The following TRPM3 variants were observed in gnomAD, a reference collection of about 807,000 sequenced individuals.
TRPM3 encodes the protein transient receptor potential cation channel subfamily M member 3, also known as long transient receptor potential channel 3.
A neutral mutation model predicts 181.2 loss-of-function variants in TRPM3; 77 were observed. That is an observed-to-expected ratio of 0.42 (90% CI 0.35 to 0.51). The LOEUF (loss-of-function observed/expected upper bound fraction) is 0.51. Among genes scored for constraint, TRPM3 ranks in the 20% least tolerant of loss-of-function variants. The pLI, the probability that TRPM3 is intolerant of heterozygous loss-of-function variation, is 0.01. For synonymous variants in TRPM3, 745 were observed against 796.4 expected (o/e 0.94, Z 1.09); for missense variants, 1,759 against 2,196.7 (o/e 0.80, Z 3.98).
Position 70,552,700 on chromosome 9 carries a change from C to G in TRPM3, c.3574+144G>C, listed in dbSNP as rs143854489. ...CTCATTCAAGTCAACTCCCTCATCC[C>G]CCAATGCTCTCCAAGCCTTCAGAGC... is the stretch of plus-strand genomic sequence containing the variant. On this transcript the variant is annotated intron_variant, in intron 24 of 25. Coordinates refer to ENST00000677713, the MANE Select transcript of TRPM3 (RefSeq NM_001366145.2). 716 of 816,232 alleles carry G rather than the reference C, an allele frequency of 8.8e-4. 10 individuals carry two copies. In the East Asian group the frequency reaches 0.015, roughly 18 times the overall value. 50.6% of individuals were successfully genotyped at this position (816,232 alleles called of 1,614,324 possible).
At position 70,885,852 on chromosome 9, in the gene TRPM3, C is replaced by A. The variant is rs75424431; in HGVS notation, c.178-21341G>T. Among the ~76,000 whole-genome samples, 636 of 152,134 alleles carry A rather than the reference C, an allele frequency of 4.2e-3. 20 individuals are homozygous for A. The East Asian group carries it at 0.097, about 23-fold the overall frequency. On this transcript the variant is annotated intron_variant, in intron 1 of 25. Transcript: ENST00000677713. ...CTCTTTCACCCTTGTAGATAAGGAC[C>A]AGACCCTATTTCTGCCCAAGTCTCT...
intron 1 of TRPM3, among the ~76,000 whole-genome samples, chr9:70,884,754 A>T (rs1188618327): frequency 6.6e-6 from 1 of 152,178 alleles, no homozygotes; most frequent in Non-Finnish European, 1.5e-5. Context: ...AAATTATGAC[A>T]ATCCTGGAGA....
In TRPM3 at chr9:71,061,065, G is replaced by A. The variant is rs551131393; in HGVS notation, c.177+60113C>T. Among the ~76,000 whole-genome samples, 67 of 152,054 alleles carry A rather than the reference G, an allele frequency of 4.4e-4. 1 individual carries two copies. The South Asian group carries it at 7.5e-3, about 17-fold the overall frequency. ...GGGAAGATATTTCTTAACAAGTGTC[G>A]GCCAGGGTGAGAGCTGAAGAATGCA... On this transcript the variant is annotated intron_variant, in intron 1 of 25. Transcript: ENST00000677713.
chr9:71,203,146 A>G (rs1184255976), intron 1 of TRPM3, among the ~76,000 whole-genome samples: 5 of 152,206 alleles, frequency 3.3e-5, no homozygotes, highest in Admixed American at 2.0e-4. Flanking sequence ...ACACTGACTG[A>G]TACTGTCTAA....
chr9:71,018,396 A>G (rs935247558), intron 1 of TRPM3, among the ~76,000 whole-genome samples: 4 of 151,862 alleles, frequency 2.6e-5, no homozygotes, highest in Admixed American at 2.0e-4. Flanking sequence ...GGTTTTTAGA[A>G]AAGACAAATG....
At chr9:70,572,415 C>A (rs547962405) in intron 22 of TRPM3, among the ~76,000 whole-genome samples, 2 of 152,294 alleles carry the variant, frequency 1.3e-5, no homozygotes, top group East Asian at 3.9e-4. Context: ...TTACTATTAG[C>A]TAAACTCCAA....
chr9:71,216,944 T>G (rs2079911489), intron 1 of TRPM3, among the ~76,000 whole-genome samples: 1 of 62,554 alleles, frequency 1.6e-5, no homozygotes, highest in Non-Finnish European at 3.6e-5. Context: ...TTTCTTTTTT[T>G]TTTTTTTTTT....
intron 9 of TRPM3, among the ~76,000 whole-genome samples, chr9:70,645,944 A>C (rs1051238184): frequency 1.6e-4 from 24 of 152,186 alleles, no homozygotes; most frequent in Admixed American, 5.2e-4. Context: ...TCTCAGAAGA[A>C]GACATTTATG....
intron 1 of TRPM3, among the ~76,000 whole-genome samples, chr9:70,955,967 C>T (rs1278367998): frequency 6.6e-6 from 1 of 152,158 alleles, no homozygotes. Flanking sequence ...TTATCTCTGA[C>T]AACCTTTCAG....
At chr9:71,161,517 G>A (rs1331952546) in intron 1 of TRPM3, among the ~76,000 whole-genome samples, 2 of 152,084 alleles carry the variant, frequency 1.3e-5, no homozygotes, top group Admixed American at 6.6e-5. Flanking sequence ...CTGTTGTTAC[G>A]TCCTTGAATA....
chr9:70,557,835 C>T (rs2048100081), intron 22 of TRPM3, among the ~76,000 whole-genome samples: 1 of 152,170 alleles, frequency 6.6e-6, no homozygotes, highest in Non-Finnish European at 1.5e-5. Context: ...GGCATGTTGT[C>T]ACCTCCCTCT....
Position 71,434,805 on chromosome 9 carries a change from T to C in TRPM3, c.183+11848A>G, listed in dbSNP as rs1321833275. ...ATTTTTCACCTTTCTTTCTTGCCTA[T>C]TAACAGTGATGTATAATAATTATCT... On this transcript the variant is annotated intron_variant, in intron 1 of 24. Coordinates refer to the TRPM3 transcript ENST00000357533. Among the ~76,000 whole-genome samples the C allele has an allele frequency of 2.6e-5, 4 of 152,200 alleles. No individual in the cohort carries two copies. In the East Asian group the frequency reaches 7.7e-4, roughly 29 times the overall value.
chr9:71,104,660 CT>C (rs2069110896), intron 1 of TRPM3, among the ~76,000 whole-genome samples: 1 of 152,156 alleles, frequency 6.6e-6, no homozygotes, highest in African/African-American at 2.4e-5. Context: ...AGTTAATTTT[CT>C]TCCTCTCTTT....
At chr9:70,563,999 T>C (rs1190238717) in intron 22 of TRPM3, among the ~76,000 whole-genome samples, 3 of 152,204 alleles carry the variant, frequency 2.0e-5, no homozygotes, top group African/African-American at 7.2e-5. Context: ...CATTTTTCTC[T>C]GGTTGAGAAC....
intron 1 of TRPM3, among the ~76,000 whole-genome samples, chr9:70,869,943 T>C (rs2095753792): frequency 6.6e-6 from 1 of 152,036 alleles, no homozygotes; most frequent in African/African-American, 2.4e-5. Context: ...GTGAACAAAC[T>C]GGGAGATAAA....
At chr9:70,755,461 C>A (rs1194253427) in intron 8 of TRPM3, among the ~76,000 whole-genome samples, 1 of 151,794 alleles carries the variant, frequency 6.6e-6, no homozygotes, top group Non-Finnish European at 1.5e-5. Flanking sequence ...ACCTCTGCCT[C>A]CCAGGTTCAA....
chr9:70,664,378 C>T (rs561662818), intron 9 of TRPM3, among the ~76,000 whole-genome samples: 11 of 152,216 alleles, frequency 7.2e-5, no homozygotes, highest in Admixed American at 5.2e-4. Context: ...CAAATGCTAC[C>T]TTCTATTGAG....
chr9:70,974,584 C>G (rs2097283425), intron 1 of TRPM3, among the ~76,000 whole-genome samples: 1 of 151,322 alleles, frequency 6.6e-6, no homozygotes, highest in African/African-American at 2.4e-5. Flanking sequence ...AAAAAATTAG[C>G]TGGGCGTGGT....
intron 1 of TRPM3, among the ~76,000 whole-genome samples, chr9:71,025,378 T>C (rs1346574207): frequency 6.6e-6 from 1 of 152,110 alleles, no homozygotes; most frequent in Admixed American, 6.5e-5. Context: ...ACAACAGCTG[T>C]GAAGAACTCC....
Sources: gnomAD v4.1 joint callset for allele counts (sites outside exome capture counted in the v4.1 genomes callset) on GRCh38, gnomAD v4.1.1 for gene constraint, MANE v1.5 for transcripts, NCBI Gene and HGNC (gene_info 2026-07-23, HGNC 2026-07-21) for gene names.